Variants in RSF1 observed in about 807,000 individuals in gnomAD.
RSF1 encodes HBV pX-associated protein 8.
Under a neutral mutation model 145.2 loss-of-function variants are expected in RSF1, and 13 were observed. The ratio of observed to expected loss-of-function variants is 0.09; its 90% confidence interval spans 0.06 to 0.14. The LOEUF (loss-of-function observed/expected upper bound fraction) is 0.14. Among genes scored for constraint, RSF1 ranks in the 10% least tolerant of loss-of-function variants. The probability of loss-of-function intolerance (pLI) is 1.00; values close to 1 mark genes in which losing one functional copy is unlikely to be tolerated. For missense variants in RSF1, 1,517 were observed against 1,718.2 expected (o/e 0.88, Z 2.07); for synonymous variants, 577 against 592.6 (o/e 0.97, Z 0.38).
chr11:77,697,290 G>C (rs571893523), intron 7 of RSF1, among the ~76,000 whole-genome samples: 8 of 151,740 alleles, frequency 5.3e-5, no homozygotes, highest in Non-Finnish European at 8.8e-5. Context: ...ATTCTACTCA[G>C]GTAGAAACAT....
upstream of RSF1, among the ~76,000 whole-genome samples, chr11:77,823,214 CA>C (rs746182266): frequency 2.2e-5 from 2 of 92,734 alleles, no homozygotes; most frequent in African/African-American, 4.5e-5. Context: ...GACTCCGTCT[CA>C]AAAAAAAAAA....
At chr11:77,855,896 T>C in the RSF1 span, among the ~76,000 whole-genome samples, 4 of 151,914 alleles carry the variant, frequency 2.6e-5, 1 homozygote, top group Non-Finnish European at 2.9e-5. Context: ...GGTGAGCAGA[T>C]TGCTTAAGTT....
At chr11:77,839,620 C>T in the RSF1 span, among the ~76,000 whole-genome samples, 1 of 152,160 alleles carries the variant, frequency 6.6e-6, no homozygotes, top group Non-Finnish European at 1.5e-5. Flanking sequence ...ACCTCTACAC[C>T]ATGGTATACT....
chr11:77,727,430 G>C (rs1305789813), intron 4 of RSF1, among the ~76,000 whole-genome samples: 1 of 150,672 alleles, frequency 6.6e-6, no homozygotes, highest in Non-Finnish European at 1.5e-5. Context: ...AAACGTAAGA[G>C]AGCTAATATT....
In RSF1 at chr11:77,776,545, ATAGTTTC is replaced by A. The variant is rs532086389; in HGVS notation, c.188-11863_188-11857del. Among the ~76,000 whole-genome samples, 45 of 152,310 alleles carry A rather than the reference ATAGTTTC, an allele frequency of 3.0e-4. 1 individual carries two copies. In the South Asian group the frequency reaches 8.7e-3, roughly 29 times the overall value. On this transcript the variant is annotated intron_variant, in intron 1 of 15. Transcript: ENST00000308488. Reference sequence around the variant, plus strand: ...TAAAGCAGAACGAAATGAGCTCATTATAGTTTCTAGTTATTTCAATAAATTAGAAAAT... The same window carrying A: ...TAAAGCAGAACGAAATGAGCTCATTATAGTTATTTCAATAAATTAGAAAAT...
In RSF1 at chr11:77,692,534, G is replaced by A. The variant is rs373277299; in HGVS notation, c.2820+973C>T. Among the ~76,000 whole-genome samples the A allele has an allele frequency of 7.2e-4, 74 of 102,928 alleles. 3 individuals carry two copies. Among genetic ancestry groups the A allele is most frequent in the African/African-American group, 2.8e-3 (55 of 19,892 alleles). The allele number at this position is 102,928 out of a possible 152,430, so 67.5% of individuals were successfully genotyped here. A position where few individuals can be genotyped will look rare whatever the true frequency, so the allele number is the denominator to read the frequency against. On this transcript the variant is annotated intron_variant, in intron 8 of 15. Coordinates refer to ENST00000308488, the MANE Select transcript of RSF1 (RefSeq NM_016578.4). ...GCTGGGATTACAGGCGTGAGCCACC[G>A]CGCCCGGCCACTACTTTTAAATTTT... is the stretch of plus-strand genomic sequence containing the variant.
chr11:77,811,890 T>C (rs553551020), intron 1 of RSF1, among the ~76,000 whole-genome samples: 54 of 152,296 alleles, frequency 3.5e-4, no homozygotes, highest in Non-Finnish European at 6.2e-4. Flanking sequence ...AATAAATAAA[T>C]AGGCTGAGCT....
chr11:77,853,803 T>C, the RSF1 span, among the ~76,000 whole-genome samples: 1 of 151,790 alleles, frequency 6.6e-6, no homozygotes, highest in Non-Finnish European at 1.5e-5. Context: ...TAGCTGGGCA[T>C]GGTGGTGCAC....
intron 15 of RSF1, among the ~76,000 whole-genome samples, chr11:77,668,418 C>T (rs367549995): frequency 3.3e-5 from 5 of 152,318 alleles, no homozygotes; most frequent in Admixed American, 1.3e-4. Flanking sequence ...CATGTCAACA[C>T]GCTGATAAGG....
rs1416009006 is a variant in RSF1 at position 77,685,040 on chromosome 11, T to A, written c.2955+65A>T. On this transcript the variant is annotated intron_variant, in intron 10 of 15. Coordinates refer to ENST00000308488, the MANE Select transcript of RSF1 (RefSeq NM_016578.4). ...ATAAAACCACTAACATTACATAAGG[T>A]GGGTAAAATTTTAGAGCAATTATGA... is the stretch of plus-strand genomic sequence containing the variant. 5 of 793,528 alleles carry A rather than the reference T, an allele frequency of 6.3e-6. No individual in the cohort carries two copies. In the African/African-American group the frequency reaches 7.4e-5, roughly 12 times the overall value. The allele number at this position is 793,528 out of a possible 1,614,324, so 49.2% of individuals were successfully genotyped here.
upstream of RSF1, among the ~76,000 whole-genome samples, chr11:77,822,915 C>CTT (rs1403080249): frequency 2.0e-5 from 3 of 152,114 alleles, no homozygotes; most frequent in Admixed American, 2.0e-4. Flanking sequence ...AATAAAAAAG[C>CTT]TTTTAAGAAA....
At chr11:77,841,086 C>A in the RSF1 span, 1 of 663,052 alleles carries the variant, frequency 1.5e-6, no homozygotes, top group South Asian at 1.6e-5. Context: ...CTGCATCATC[C>A]TATAGTGGAA....
the RSF1 span, among the ~76,000 whole-genome samples, chr11:77,835,556 C>A: frequency 2.0e-5 from 3 of 152,292 alleles, no homozygotes; most frequent in Middle Eastern, 6.8e-3. Flanking sequence ...TTTTATCTCC[C>A]AGGAAGTTGT....
rs140682152 is a variant in RSF1 at position 77,741,208 on chromosome 11, C to T, written c.373-272G>A. On this transcript the variant is annotated intron_variant, in intron 3 of 15. Transcript: ENST00000308488. ...AGTTTTATTTCAAAAGGAATGAGCC[C>T]GTTTGCACTAAAAACTCCCAAATCA... 1.5e-3 allele frequency among the ~76,000 whole-genome samples: 223 copies of T among 152,244 alleles called. 1 individual carries two copies. Among genetic ancestry groups the T allele is most frequent in the African/African-American group, 3.7e-3 (154 of 41,538 alleles).
At chr11:77,696,429 G>A (rs1473283711) in intron 7 of RSF1, among the ~76,000 whole-genome samples, 1 of 152,140 alleles carries the variant, frequency 6.6e-6, no homozygotes. Context: ...ATATTCTTAT[G>A]ATTTAACATA....
intron 5 of RSF1, among the ~76,000 whole-genome samples, chr11:77,711,101 A>G (rs1960669783): frequency 6.6e-6 from 1 of 151,118 alleles, no homozygotes. Context: ...GTTAGGAAAC[A>G]CACACATAGA....
chr11:77,774,342 C>T (rs567085471), intron 1 of RSF1, among the ~76,000 whole-genome samples: 19 of 152,268 alleles, frequency 1.2e-4, no homozygotes, highest in Non-Finnish European at 2.5e-4. Context: ...GTAGCTCACG[C>T]CTGTAATCCC....
chr11:77,842,629 G>T, the RSF1 span: 3 of 1,613,722 alleles, frequency 1.9e-6, no homozygotes, highest in Non-Finnish European at 2.5e-6. Flanking sequence ...AGGAACTGAG[G>T]TAAGATATTA....
intron 1 of RSF1, among the ~76,000 whole-genome samples, chr11:77,815,741 T>C (rs1247821325): frequency 4.2e-5 from 6 of 142,544 alleles, no homozygotes; most frequent in Non-Finnish European, 9.6e-5. Flanking sequence ...ATGTTTAATG[T>C]TTTTTTAAAA....
Sources: allele counts gnomAD v4.1 joint callset (sites outside exome capture counted in the v4.1 genomes callset), GRCh38; gene constraint gnomAD v4.1.1; transcripts MANE v1.5; gene names NCBI Gene and HGNC (gene_info 2026-07-23, HGNC 2026-07-21).